DST: variants seen among roughly 807,000 people sequenced by gnomAD.
DST encodes the protein bullous pemphigoid antigen.
In DST, 253 loss-of-function variants were observed where a neutral mutation model predicts 875.2. The observed-to-expected ratio is 0.29, with a 90% CI of 0.26 to 0.32. The LOEUF is 0.32. DST is among the 10% of genes least tolerant of loss of function. The pLI is 1.00. For missense variants in DST, 8,287 were observed against 9,111.6 expected (o/e 0.91, Z 3.68); for synonymous variants, 3,124 against 3,197.1 (o/e 0.98, Z 0.77).
At chr6:56,905,636 C>T (rs1352570057) in intron 2 of DST, among the ~76,000 whole-genome samples, 4 of 151,062 alleles carry the variant, frequency 2.6e-5, no homozygotes, top group African/African-American at 7.3e-5. Flanking sequence ...GCATATATTG[C>T]GTTTTCTTTT....
chr6:56,564,301 AAG>A lies in DST; in HGVS notation c.14006-2103_14006-2102del, dbSNP rs2097607199. ...TGAAGAGGTCCTTCGCATCCCTTGT[AAG>A]TTCTATTCCTAGGTATTTTATTCTC... is the stretch of plus-strand genomic sequence containing the variant. On this transcript the variant is annotated intron_variant, in intron 55 of 103. Transcript: ENST00000680361. Among the ~76,000 whole-genome samples, 4 of 152,108 alleles carry A rather than the reference AAG, an allele frequency of 2.6e-5. No individual in the cohort carries two copies. The South Asian group carries it at 8.3e-4, about 31-fold the overall frequency.
intron 90 of DST, among the ~76,000 whole-genome samples, chr6:56,478,020 T>C (rs1038817899): frequency 3.9e-5 from 6 of 151,906 alleles, no homozygotes; most frequent in Non-Finnish European, 8.8e-5. Context: ...GAGGGCCAAC[T>C]TTATAGGATA....
intron 5 of DST, among the ~76,000 whole-genome samples, chr6:56,720,251 T>C (rs1490877680): frequency 6.6e-6 from 1 of 152,174 alleles, no homozygotes; most frequent in Non-Finnish European, 1.5e-5. Flanking sequence ...CCATTTGCTT[T>C]TGAAAGAAGA....
intron 4 of DST, among the ~76,000 whole-genome samples, chr6:56,751,837 T>C (rs1364018917): frequency 6.6e-6 from 1 of 152,086 alleles, no homozygotes; most frequent in Non-Finnish European, 1.5e-5. Context: ...CATTCCAAAA[T>C]AAAAGAGAAG....
At chr6:56,537,522 T>C (rs1341553494) in intron 61 of DST, among the ~76,000 whole-genome samples, 1 of 152,114 alleles carries the variant, frequency 6.6e-6, no homozygotes, top group Non-Finnish European at 1.5e-5. Context: ...TACATAGGCA[T>C]GTGCTGCAAT....
intron 3 of DST, among the ~76,000 whole-genome samples, chr6:56,857,553 T>C (rs1034993373): frequency 6.6e-6 from 1 of 152,186 alleles, no homozygotes; most frequent in African/African-American, 2.4e-5. Context: ...CAGAAAAATA[T>C]AAAAGAAATT....
At chr6:56,807,208 T>C (rs1158091956) in intron 4 of DST, among the ~76,000 whole-genome samples, 1 of 152,080 alleles carries the variant, frequency 6.6e-6, no homozygotes, top group Non-Finnish European at 1.5e-5. Flanking sequence ...GTGTTTTTTG[T>C]AGAGACAGGG....
chr6:56,587,025 C>T (rs2098167220), intron 49 of DST, among the ~76,000 whole-genome samples: 1 of 152,240 alleles, frequency 6.6e-6, no homozygotes, highest in Non-Finnish European at 1.5e-5. Flanking sequence ...CAAAGGAACA[C>T]AGTTCCTCAC....
chr6:56,712,090 C>CAAAAAAAAAAAAAAAAAAA (rs34769867), intron 5 of DST, among the ~76,000 whole-genome samples: 7 of 76,548 alleles, frequency 9.1e-5, no homozygotes, highest in African/African-American at 1.5e-4. Flanking sequence ...GACTCCGTCT[C>CAAAAAAAAAAAAAAAAAAA]AAAAAAAAAA....
intron 69 of DST, among the ~76,000 whole-genome samples, chr6:56,519,074 A>T (rs2096647643): frequency 6.6e-6 from 1 of 152,158 alleles, no homozygotes; most frequent in African/African-American, 2.4e-5. Context: ...AGAAGAGGAC[A>T]GAACTACCAT....
intron 3 of DST, among the ~76,000 whole-genome samples, chr6:56,887,316 A>G (rs928920621): frequency 6.6e-6 from 1 of 152,226 alleles, no homozygotes; most frequent in African/African-American, 2.4e-5. Flanking sequence ...AGGATACCAC[A>G]ATAAGAAATG....
chr6:56,890,265 A>G (rs1328283052), intron 3 of DST, among the ~76,000 whole-genome samples: 1 of 152,254 alleles, frequency 6.6e-6, no homozygotes, highest in African/African-American at 2.4e-5. Context: ...GAGTGCAGAG[A>G]ACAATGCCCA....
Position 56,608,395 on chromosome 6 carries a change from C to T in DST, c.6233G>A (p.Gly2078Asp). Residue 2078 changes from glycine to aspartate, a missense_variant, in exon 40 of 104, where the codon GGT becomes GAT. Coordinates refer to ENST00000680361, the MANE Select transcript of DST (RefSeq NM_001374736.1). Reference sequence around the variant, plus strand: ...GGAAGATGATGTGGGAAATATTTCACCAGAATGGGGCCAAATGAGTCCAAC... The same window carrying T: ...GGAAGATGATGTGGGAAATATTTCATCAGAATGGGGCCAAATGAGTCCAAC... The part of the protein sequence containing the change: ...GYVGLIWPHS[G>D]EIFPTSSSLQ... 4.3e-6 allele frequency: 7 copies of T among 1,613,274 alleles called. No individual in the cohort carries two copies. Among genetic ancestry groups the T allele is most frequent in the Admixed American group, 1.7e-5 (1 of 59,962 alleles).
chr6:56,603,819 ATGT>A lies in DST; in HGVS notation c.10791+15_10791+17del, dbSNP rs775952054. The A allele has an allele frequency of 2.5e-6, 4 of 1,599,788 alleles. No homozygotes were observed. The highest frequency in any genetic ancestry group is 1.7e-6 in the Non-Finnish European group (2 of 1,173,836). ...GTTCATGCAGCTTTTTCTGTATAAAATGTATAGGTCAACTTACTTGTTCGGTTG... is the reference window on the plus strand; with the variant it reads ...GTTCATGCAGCTTTTTCTGTATAAAAATAGGTCAACTTACTTGTTCGGTTG... On this transcript the variant is annotated intron_variant, in intron 40 of 103. Coordinates refer to ENST00000680361, the MANE Select transcript of DST (RefSeq NM_001374736.1).
At chr6:56,759,350 C>CT (rs1158394788) in intron 4 of DST, among the ~76,000 whole-genome samples, 1 of 152,030 alleles carries the variant, frequency 6.6e-6, no homozygotes, top group East Asian at 1.9e-4. Flanking sequence ...ACTCAGGAGG[C>CT]TGAGGAAGGA....
Position 56,604,702 on chromosome 6 carries a change from GTATT to G in DST, c.9922_9925del (p.Asn3308LeufsTer6), listed in dbSNP as rs1458679867. On this transcript the variant is annotated frameshift_variant, in exon 40 of 104. Coordinates refer to ENST00000680361, the MANE Select transcript of DST (RefSeq NM_001374736.1). LOFTEE classifies it high-confidence loss of function. ...ATTAATTTCTAAGAATGAATAGTCA[GTATT>G]TAAAGTGTTACTGGAGTTATCATTT... is the stretch of plus-strand genomic sequence containing the variant. 1 of 1,612,024 alleles carries G rather than the reference GTATT, an allele frequency of 6.2e-7. No homozygotes were observed. Among genetic ancestry groups the G allele is most frequent in the African/African-American group, 1.3e-5 (1 of 74,744 alleles).
chr6:56,480,927 A>G (rs778742612), intron 90 of DST, among the ~76,000 whole-genome samples: 1 of 152,206 alleles, frequency 6.6e-6, no homozygotes, highest in Non-Finnish European at 1.5e-5. Context: ...GCCCACAGTA[A>G]TATAATATAA....
At chr6:56,785,444 G>A (rs567732652) in intron 4 of DST, among the ~76,000 whole-genome samples, 476 of 152,246 alleles carry the variant, frequency 3.1e-3, no homozygotes, top group Non-Finnish European at 5.5e-3. Context: ...CCTCGCTGCC[G>A]CCTTGCAGTT....
chr6:56,761,717 T>A lies in DST; in HGVS notation c.626-26428A>T, dbSNP rs571550661. ...TTAGGAACCTATTAAAAAAAAAAAA[T>A]AAGCTTGACTTCTCACAACTGTGCT... On this transcript the variant is annotated intron_variant, in intron 4 of 103. Coordinates refer to ENST00000680361, the MANE Select transcript of DST (RefSeq NM_001374736.1). 6.2e-3 allele frequency among the ~76,000 whole-genome samples: 945 copies of A among 151,202 alleles called. 5 individuals are homozygous for A. The highest frequency in any genetic ancestry group is 0.01 in the Admixed American group (158 of 15,192).
Sources: allele counts gnomAD v4.1 joint callset (sites outside exome capture counted in the v4.1 genomes callset), GRCh38; gene constraint gnomAD v4.1.1; transcripts MANE v1.5; gene names NCBI Gene and HGNC (gene_info 2026-07-23, HGNC 2026-07-21).